The following LINGO2 variants were observed in gnomAD, a reference collection of about 807,000 sequenced individuals.
The protein encoded by LINGO2 is leucine-rich repeat and immunoglobulin-like domain-containing nogo receptor-interacting protein 2.
Under a neutral mutation model 30.6 loss-of-function variants are expected in LINGO2, and 14 were observed. That is an observed-to-expected ratio of 0.46 (90% confidence interval 0.30 to 0.72). LINGO2 has a LOEUF of 0.72. LINGO2 is among the 30% of genes least tolerant of loss of function. LINGO2 has a pLI of 0.07. For missense variants in LINGO2, 729 were observed against 751.7 expected (o/e 0.97, Z 0.35); for synonymous variants, 317 against 288.5 (o/e 1.10, Z -1.00).
chr9:28,937,719 C>T, the LINGO2 span, among the ~76,000 whole-genome samples: 1 of 152,144 alleles, frequency 6.6e-6, no homozygotes, highest in South Asian at 2.1e-4. Flanking sequence ...ACCTTTGCAT[C>T]TGTGGGTTCT....
At chr9:28,523,044 C>T (rs193162836) in intron 1 of LINGO2, among the ~76,000 whole-genome samples, 16 of 150,438 alleles carry the variant, frequency 1.1e-4, no homozygotes, top group Admixed American at 3.3e-4. Flanking sequence ...AGAGATTAGG[C>T]GAAGAAAATC....
rs115788404 is a variant in LINGO2, at chr9:28,378,436, T to G, written c.-278-5568A>C. 2.3e-3 allele frequency among the ~76,000 whole-genome samples: 344 copies of G among 152,260 alleles called. 1 individual carries two copies. Among genetic ancestry groups the G allele is most frequent in the African/African-American group, 7.8e-3 (325 of 41,568 alleles). On this transcript the variant is annotated intron_variant, in intron 2 of 5. Coordinates refer to ENST00000379992, the Ensembl canonical transcript of LINGO2. Reference sequence around the variant, plus strand: ...CATGGAATCTGTGTTATATATCCCATGTGGCAATAAATACAGGAAACACTT... The same window carrying G: ...CATGGAATCTGTGTTATATATCCCAGGTGGCAATAAATACAGGAAACACTT...
chr9:28,319,927 C>T (rs1824978956), intron 3 of LINGO2, among the ~76,000 whole-genome samples: 1 of 152,014 alleles, frequency 6.6e-6, no homozygotes, highest in Admixed American at 6.6e-5. Context: ...CACTGAGTCA[C>T]CATGAATCTT....
the LINGO2 span, among the ~76,000 whole-genome samples, chr9:29,001,692 C>T: frequency 6.6e-6 from 1 of 151,974 alleles, no homozygotes; most frequent in African/African-American, 2.4e-5. Context: ...TAATCCACAG[C>T]AATTATTCAT....
the LINGO2 span, among the ~76,000 whole-genome samples, chr9:28,686,236 A>G: frequency 4.2e-4 from 64 of 152,152 alleles, no homozygotes; most frequent in African/African-American, 1.5e-3. Context: ...TCTTTGTGCT[A>G]AGTGTAATAT....
the LINGO2 span, among the ~76,000 whole-genome samples, chr9:29,016,147 T>G: frequency 6.6e-6 from 1 of 152,206 alleles, no homozygotes; most frequent in Non-Finnish European, 1.5e-5. Flanking sequence ...TTCTAATAAA[T>G]TCTTAATTTT....
chr9:29,106,523 G>A, the LINGO2 span, among the ~76,000 whole-genome samples: 1 of 152,148 alleles, frequency 6.6e-6, no homozygotes, highest in South Asian at 2.1e-4. Flanking sequence ...AATGAGGGTT[G>A]TTACTATGTT....
At chr9:28,588,347 T>C (rs545509436) in intron 1 of LINGO2, among the ~76,000 whole-genome samples, 1 of 152,070 alleles carries the variant, frequency 6.6e-6, no homozygotes, top group Admixed American at 6.6e-5. Context: ...GGTCAGAAGA[T>C]TTGAAAAATT....
At chr9:28,806,828 G>C in the LINGO2 span, among the ~76,000 whole-genome samples, 1 of 151,984 alleles carries the variant, frequency 6.6e-6, no homozygotes, top group Non-Finnish European at 1.5e-5. Context: ...CTAGCCTCCT[G>C]TAAAGTCCTT....
intron 4 of LINGO2, among the ~76,000 whole-genome samples, chr9:28,240,127 G>C (rs1821728652): frequency 1.3e-5 from 2 of 152,072 alleles, no homozygotes; most frequent in South Asian, 4.1e-4. Flanking sequence ...AGAAATTGAA[G>C]AGGGCACCCC....
the LINGO2 span, among the ~76,000 whole-genome samples, chr9:29,030,440 T>C: frequency 9.8e-4 from 149 of 152,304 alleles, 1 homozygote; most frequent in Middle Eastern, 0.01. Flanking sequence ...TAATGTCATA[T>C]TTCGGTTCCA....
At chr9:28,519,398 T>C (rs1246946158) in intron 1 of LINGO2, among the ~76,000 whole-genome samples, 4 of 152,166 alleles carry the variant, frequency 2.6e-5, no homozygotes, top group African/African-American at 9.7e-5. Context: ...TTCAGGTAAA[T>C]AGTAAGAGCT....
chr9:28,185,749 A>C (rs1331112510), intron 4 of LINGO2, among the ~76,000 whole-genome samples: 1 of 152,158 alleles, frequency 6.6e-6, no homozygotes, highest in East Asian at 1.9e-4. Context: ...AGGGATTTAC[A>C]GTCCAGGAGA....
At chr9:28,737,444 A>G in the LINGO2 span, among the ~76,000 whole-genome samples, 2 of 152,224 alleles carry the variant, frequency 1.3e-5, no homozygotes, top group African/African-American at 4.8e-5. Context: ...ATGGCTTGTT[A>G]CATGATATTA....
intron 4 of LINGO2, among the ~76,000 whole-genome samples, chr9:28,189,465 G>A (rs372263634): frequency 9.8e-4 from 15 of 15,366 alleles, no homozygotes; most frequent in South Asian, 2.4e-3. Flanking sequence ...GGAAGGGAGG[G>A]AGGAAGGAAG....
the LINGO2 span, among the ~76,000 whole-genome samples, chr9:29,113,550 A>G: frequency 6.6e-6 from 1 of 152,204 alleles, no homozygotes; most frequent in Non-Finnish European, 1.5e-5. Flanking sequence ...CACAGACATC[A>G]TAACTGTTTC....
At chr9:29,121,279 T>C in the LINGO2 span, among the ~76,000 whole-genome samples, 3 of 152,174 alleles carry the variant, frequency 2.0e-5, no homozygotes, top group Non-Finnish European at 2.9e-5. Flanking sequence ...ATCAGTAAGT[T>C]TGTATACTGT....
chr9:28,415,679 C>T (rs183878423), intron 2 of LINGO2, among the ~76,000 whole-genome samples: 255 of 152,238 alleles, frequency 1.7e-3, no homozygotes, highest in African/African-American at 5.7e-3. Flanking sequence ...GGAGGCCATG[C>T]TGTATCTTGT....
At chr9:28,555,409 A>C (rs1158229920) in intron 1 of LINGO2, among the ~76,000 whole-genome samples, 1 of 151,234 alleles carries the variant, frequency 6.6e-6, no homozygotes, top group African/African-American at 2.4e-5. Context: ...GAAATGGATA[A>C]ATTCCTTGAC....
Sources: gnomAD v4.1 joint callset for allele counts (sites outside exome capture counted in the v4.1 genomes callset) on GRCh38, gnomAD v4.1.1 for gene constraint, MANE v1.5 for transcripts, NCBI Gene and HGNC (gene_info 2026-07-23, HGNC 2026-07-21) for gene names.